Variants in ARHGAP15 observed in about 807,000 individuals in gnomAD.
ARHGAP15 encodes the protein rho GTPase-activating protein 15.
A neutral mutation model predicts 63.7 loss-of-function variants in ARHGAP15; 51 were observed. The observed-to-expected ratio is 0.80, with a 90% CI of 0.64 to 1.01. The LOEUF (loss-of-function observed/expected upper bound fraction) is 1.01, where lower values mean the gene tolerates loss of function less well. Among genes scored for constraint, ARHGAP15 ranks in the 50% least tolerant of loss-of-function variants. The probability of loss-of-function intolerance (pLI) is 0.00; values close to 1 mark genes in which losing one functional copy is unlikely to be tolerated. For synonymous variants in ARHGAP15, 191 were observed against 193.8 expected (o/e 0.99, Z 0.12); for missense variants, 560 against 564.6 (o/e 0.99, Z 0.08).
chr2:143,549,345 A>C (rs1008860415), intron 10 of ARHGAP15, among the ~76,000 whole-genome samples: 3 of 152,204 alleles, frequency 2.0e-5, no homozygotes, highest in Admixed American at 2.0e-4. Context: ...TGCTGAAAAC[A>C]GAAAAGGTGC....
chr2:143,449,699 A>G (rs1042487915), intron 8 of ARHGAP15, among the ~76,000 whole-genome samples: 1 of 152,102 alleles, frequency 6.6e-6, no homozygotes, highest in Non-Finnish European at 1.5e-5. Flanking sequence ...GTTATCAAAA[A>G]ATAGAGGAAA....
rs374357046 is a variant in ARHGAP15 at position 143,209,064 on chromosome 2, AG to A, written c.234+6865del. ...TTTTGTGGATTAATTAATAGTAGTG[AG>A]GGCTTTGAGCATGAAAGACATTGTG... On this transcript the variant is annotated intron_variant, in intron 3 of 13. Coordinates refer to ENST00000295095, the MANE Select transcript of ARHGAP15 (RefSeq NM_018460.4). Among the ~76,000 whole-genome samples the A allele has an allele frequency of 1.1e-3, 163 of 152,204 alleles. 1 individual carries two copies. The highest frequency in any genetic ancestry group is 3.9e-3 in the African/African-American group (160 of 41,542).
chr2:143,727,764 T>C (rs2105476987), intron 13 of ARHGAP15, among the ~76,000 whole-genome samples: 1 of 152,320 alleles, frequency 6.6e-6, no homozygotes, highest in African/African-American at 2.4e-5. Context: ...CTGTTATATA[T>C]GCATATTATG....
chr2:143,301,798 C>T (rs1186746106), intron 6 of ARHGAP15, among the ~76,000 whole-genome samples: 4 of 151,276 alleles, frequency 2.6e-5, no homozygotes, highest in East Asian at 1.9e-4. Context: ...TATATACATC[C>T]GTCTAGATAT....
chr2:143,375,479 T>C (rs1686766341), intron 6 of ARHGAP15, among the ~76,000 whole-genome samples: 1 of 152,110 alleles, frequency 6.6e-6, no homozygotes, highest in African/African-American at 2.4e-5. Flanking sequence ...ACTTATGAAC[T>C]AAGAAAAATA....
intron 12 of ARHGAP15, among the ~76,000 whole-genome samples, chr2:143,638,164 G>T (rs62170264): frequency 1.1e-4 from 16 of 147,002 alleles, no homozygotes; most frequent in East Asian, 2.0e-4. Flanking sequence ...TATACCCAAA[G>T]GACTATAAAT....
chr2:143,535,562 C>A (rs1170595473), intron 10 of ARHGAP15, among the ~76,000 whole-genome samples: 2 of 152,166 alleles, frequency 1.3e-5, no homozygotes, highest in African/African-American at 2.4e-5. Flanking sequence ...AAATAAACTG[C>A]AAAAGTAGCC....
intron 13 of ARHGAP15, among the ~76,000 whole-genome samples, chr2:143,721,856 T>C (rs979958348): frequency 1.3e-5 from 2 of 152,114 alleles, no homozygotes; most frequent in South Asian, 2.1e-4. Flanking sequence ...CCAGCTAATT[T>C]TTTGTATTTT....
At chr2:143,691,558 A>G (rs1190401163) in intron 12 of ARHGAP15, among the ~76,000 whole-genome samples, 1 of 152,162 alleles carries the variant, frequency 6.6e-6, no homozygotes, top group African/African-American at 2.4e-5. Context: ...ATTCTCCTCA[A>G]ACTGGCACCT....
chr2:143,498,056 T>A (rs1211642141), intron 9 of ARHGAP15, among the ~76,000 whole-genome samples: 1 of 152,144 alleles, frequency 6.6e-6, no homozygotes, highest in Non-Finnish European at 1.5e-5. Flanking sequence ...ATTAAGAGAG[T>A]GCTCTTTTAT....
At chr2:143,690,256 A>G (rs763532236) in intron 12 of ARHGAP15, among the ~76,000 whole-genome samples, 1 of 152,212 alleles carries the variant, frequency 6.6e-6, no homozygotes, top group Non-Finnish European at 1.5e-5. Flanking sequence ...CCCTGTTTAA[A>G]TTATTATAAG....
chr2:143,438,870 T>C (rs977229829), intron 8 of ARHGAP15, among the ~76,000 whole-genome samples: 1 of 152,144 alleles, frequency 6.6e-6, no homozygotes, highest in African/African-American at 2.4e-5. Flanking sequence ...AGGTCTGGAA[T>C]CTTAGATATA....
intron 6 of ARHGAP15, among the ~76,000 whole-genome samples, chr2:143,402,697 A>G (rs1465091471): frequency 6.6e-6 from 1 of 151,866 alleles, no homozygotes; most frequent in African/African-American, 2.4e-5. Context: ...CCCAATAGGT[A>G]CTAAAAAAAG....
At chr2:143,626,796 T>C (rs1698854400) in intron 12 of ARHGAP15, among the ~76,000 whole-genome samples, 1 of 152,122 alleles carries the variant, frequency 6.6e-6, no homozygotes, top group Non-Finnish European at 1.5e-5. Flanking sequence ...GACAGAAAAG[T>C]TCTCCAAGTC....
At chr2:143,652,678 T>C (rs1439741197) in intron 12 of ARHGAP15, among the ~76,000 whole-genome samples, 1 of 152,112 alleles carries the variant, frequency 6.6e-6, no homozygotes, top group Admixed American at 6.5e-5. Context: ...ATATTCTTAA[T>C]TCTATTGTAA....
chr2:143,248,422 T>A (rs1017775362), intron 5 of ARHGAP15, among the ~76,000 whole-genome samples: 24 of 152,318 alleles, frequency 1.6e-4, no homozygotes, highest in African/African-American at 5.5e-4. Flanking sequence ...CCCAAATTCT[T>A]ACATGTTTTT....
intron 6 of ARHGAP15, among the ~76,000 whole-genome samples, chr2:143,361,318 A>G (rs543748175): frequency 6.6e-6 from 1 of 152,212 alleles, no homozygotes. Context: ...ATTCTCATGT[A>G]GTATATAAAG....
rs1692147939 is a variant in ARHGAP15, at chr2:143,202,207, G to A, written c.234+5G>A. On this transcript the variant is annotated splice_donor_5th_base_variant and intron_variant, in intron 3 of 13. Coordinates refer to ENST00000295095, the MANE Select transcript of ARHGAP15 (RefSeq NM_018460.4). ...ATTCCTCCATTGGAACAACTGGTGA[G>A]TGTTTAAGTCATTATATTCTTCATC... is the stretch of plus-strand genomic sequence containing the variant. 6.2e-7 allele frequency: 1 copy of A among 1,606,432 alleles called. No homozygotes were observed. Among genetic ancestry groups the A allele is most frequent in the Non-Finnish European group, 8.5e-7 (1 of 1,173,354 alleles).
intron 12 of ARHGAP15, among the ~76,000 whole-genome samples, chr2:143,675,430 G>C (rs1385262457): frequency 6.6e-6 from 1 of 152,038 alleles, no homozygotes; most frequent in African/African-American, 2.4e-5. Flanking sequence ...TTTCAATAAG[G>C]CTTTCAATTT....
Sources: gnomAD v4.1 joint callset for allele counts (sites outside exome capture counted in the v4.1 genomes callset) on GRCh38, gnomAD v4.1.1 for gene constraint, MANE v1.5 for transcripts, NCBI Gene and HGNC (gene_info 2026-07-23, HGNC 2026-07-21) for gene names.